Variants in PDE8B observed in about 807,000 individuals in gnomAD.
PDE8B encodes high affinity cAMP-specific and IBMX-insensitive 3',5'-cyclic phosphodiesterase 8B.
Under a neutral mutation model 101.3 loss-of-function variants are expected in PDE8B, and 26 were observed. The observed-to-expected ratio is 0.26, with a 90% CI of 0.19 to 0.36. PDE8B has a LOEUF of 0.36. Among genes scored for constraint, PDE8B ranks in the 10% least tolerant of loss-of-function variants. The probability of loss-of-function intolerance (pLI) is 1.00; values close to 1 mark genes in which losing one functional copy is unlikely to be tolerated. For missense variants in PDE8B, 810 were observed against 1,163.1 expected (o/e 0.70, Z 4.42); for synonymous variants, 424 against 429.3 (o/e 0.99, Z 0.15).
At chr5:77,358,134 C>A (rs916462639) in intron 10 of PDE8B, among the ~76,000 whole-genome samples, 3 of 152,206 alleles carry the variant, frequency 2.0e-5, no homozygotes, top group African/African-American at 7.2e-5. Context: ...AACCATGATC[C>A]TTAGCACTAA....
intron 1 of PDE8B, among the ~76,000 whole-genome samples, chr5:77,247,359 G>A (rs143514732): frequency 1.3e-5 from 2 of 152,280 alleles, no homozygotes; most frequent in South Asian, 2.1e-4. Context: ...CTGCAGTCAC[G>A]CAGGGTGCCT....
the PDE8B span, among the ~76,000 whole-genome samples, chr5:77,176,184 G>A: frequency 3.3e-5 from 5 of 152,244 alleles, no homozygotes; most frequent in African/African-American, 9.6e-5. Context: ...CACCAGCCAC[G>A]CGAAAGCCAC....
In PDE8B at chr5:77,419,625, CTCT is replaced by C. The variant is rs141270030; in HGVS notation, c.2130-137_2130-135del. The C allele has an allele frequency of 2.8e-4, 255 of 920,418 alleles. 1 individual carries two copies. The African/African-American group carries it at 3.2e-3, about 12-fold the overall frequency. The allele number at this position is 920,418 out of a possible 1,614,324, so 57.0% of individuals were successfully genotyped here. A position where few individuals can be genotyped will look rare whatever the true frequency, so the allele number is the denominator to read the frequency against. ...AAGTCTTGCTTACTGGGAGGACGAGCTCTTCTTGTGATCTGCACACATTTCTTA... is the reference window on the plus strand; with the variant it reads ...AAGTCTTGCTTACTGGGAGGACGAGCTCTTGTGATCTGCACACATTTCTTA... On this transcript the variant is annotated intron_variant, in intron 18 of 21. Coordinates refer to ENST00000264917, the MANE Select transcript of PDE8B (RefSeq NM_003719.5).
At chr5:77,089,823 T>C in the PDE8B span, among the ~76,000 whole-genome samples, 1 of 152,196 alleles carries the variant, frequency 6.6e-6, no homozygotes, top group Non-Finnish European at 1.5e-5. Flanking sequence ...AGGAAATCAG[T>C]GTATCAAAGG....
chr5:77,317,469 A>G (rs1230820016), intron 2 of PDE8B, among the ~76,000 whole-genome samples: 3 of 152,174 alleles, frequency 2.0e-5, no homozygotes, highest in Non-Finnish European at 4.4e-5. Flanking sequence ...ATAGGGCTCC[A>G]CACACCCCAC....
chr5:77,304,928 C>T (rs1340957478), intron 1 of PDE8B, among the ~76,000 whole-genome samples: 1 of 152,146 alleles, frequency 6.6e-6, no homozygotes, highest in Non-Finnish European at 1.5e-5. Context: ...ACACAGATAG[C>T]TGTCAATGTC....
At chr5:77,290,136 C>T (rs1766944499) in intron 1 of PDE8B, 1 of 1,173,974 alleles carries the variant, frequency 8.5e-7, no homozygotes. Flanking sequence ...CCCCTAGTTC[C>T]ACGTGTGGAA....
chr5:77,203,626 TC>T, the PDE8B span, among the ~76,000 whole-genome samples: 2 of 152,182 alleles, frequency 1.3e-5, no homozygotes, highest in Non-Finnish European at 2.9e-5. Flanking sequence ...TACCCCAGTC[TC>T]ACTCTATCAC....
rs749931923 is a variant in PDE8B at position 77,365,774 on chromosome 5, CAGAG to C, written c.1167+12371_1167+12374del. On this transcript the variant is annotated intron_variant, in intron 10 of 21. Transcript: ENST00000264917. ...GCAAAGCTGCTCTCCTCTCTGGACT[CAGAG>C]AGCACTGTGATGATGTGGCTCTGCC... is the stretch of plus-strand genomic sequence containing the variant. 2.6e-5 allele frequency among the ~76,000 whole-genome samples: 4 copies of C among 152,212 alleles called. No homozygotes were observed. The South Asian group carries it at 6.2e-4, about 24-fold the overall frequency.
At chr5:77,164,590 G>T in the PDE8B span, among the ~76,000 whole-genome samples, 1 of 152,150 alleles carries the variant, frequency 6.6e-6, no homozygotes, top group Admixed American at 6.5e-5. Flanking sequence ...ATGGTGAAAA[G>T]AGAAGGTAGG....
intron 1 of PDE8B, among the ~76,000 whole-genome samples, chr5:77,301,868 G>A (rs1240264657): frequency 6.6e-6 from 1 of 152,166 alleles, no homozygotes; most frequent in African/African-American, 2.4e-5. Context: ...CATAATCATA[G>A]CATCGAACTG....
At chr5:77,321,430 C>T (rs370145540) in intron 2 of PDE8B, among the ~76,000 whole-genome samples, 1 of 152,144 alleles carries the variant, frequency 6.6e-6, no homozygotes, top group African/African-American at 2.4e-5. Context: ...GGATTACAAG[C>T]GTAAGCCACC....
the PDE8B span, among the ~76,000 whole-genome samples, chr5:77,092,716 C>T: frequency 2.0e-5 from 3 of 151,960 alleles, no homozygotes; most frequent in Admixed American, 6.6e-5. Flanking sequence ...CCCAGGAGTT[C>T]GAGACCAGCC....
chr5:77,257,201 T>C (rs923187358), intron 1 of PDE8B, among the ~76,000 whole-genome samples: 2 of 152,184 alleles, frequency 1.3e-5, no homozygotes, highest in African/African-American at 4.8e-5. Context: ...AGCAAGATGA[T>C]AGATTTAAAC....
At chr5:77,288,969 C>T (rs1237459152) in intron 1 of PDE8B, among the ~76,000 whole-genome samples, 1 of 151,758 alleles carries the variant, frequency 6.6e-6, no homozygotes, top group Non-Finnish European at 1.5e-5. Flanking sequence ...TTGATTTATG[C>T]AGCCACAACC....
At chr5:77,142,737 C>G in the PDE8B span, among the ~76,000 whole-genome samples, 1 of 151,828 alleles carries the variant, frequency 6.6e-6, no homozygotes, top group Non-Finnish European at 1.5e-5. Flanking sequence ...ATAATGGCTT[C>G]CACATTCCCC....
intron 1 of PDE8B, among the ~76,000 whole-genome samples, 190 bp from the exon 2 acceptor site, chr5:77,311,804 T>TTC (rs1772688681): frequency 1.3e-5 from 2 of 151,468 alleles, no homozygotes; most frequent in Admixed American, 1.3e-4. Flanking sequence ...AATGGATACT[T>TTC]TTTTTTTAAT....
At chr5:77,245,134 A>C (rs749459424) in intron 1 of PDE8B, among the ~76,000 whole-genome samples, 31 of 152,212 alleles carry the variant, frequency 2.0e-4, no homozygotes, top group Non-Finnish European at 3.4e-4. Flanking sequence ...TATTTGAGCT[A>C]TGTCTAAGAT....
intron 4 of PDE8B, 84 bp downstream of exon 4, chr5:77,329,141 C>T: frequency 9.6e-7 from 1 of 1,046,910 alleles, no homozygotes; most frequent in South Asian, 1.3e-5. Context: ...TTTGAGCTAT[C>T]TAAGCAATGG....
Sources: allele counts gnomAD v4.1 joint callset (sites outside exome capture counted in the v4.1 genomes callset), GRCh38; gene constraint gnomAD v4.1.1; transcripts MANE v1.5; gene names NCBI Gene and HGNC (gene_info 2026-07-23, HGNC 2026-07-21).